JARID2: variants seen among roughly 807,000 people sequenced by gnomAD.
The protein encoded by JARID2 is jumonji and AT-rich interaction domain containing 2, also known as protein Jumonji.
In JARID2, 21 loss-of-function variants were observed where a neutral mutation model predicts 125.6. The ratio of observed to expected loss-of-function variants is 0.17; its 90% confidence interval spans 0.12 to 0.24. The LOEUF is 0.24. Ranked by LOEUF, JARID2 falls within the 10% of genes least tolerant of loss-of-function variation. JARID2 has a pLI of 1.00. For synonymous variants in JARID2, 736 were observed against 661.6 expected (o/e 1.11, Z -1.73); for missense variants, 1,303 against 1,639.6 (o/e 0.79, Z 3.55).
intron 8 of JARID2, among the ~76,000 whole-genome samples, chr6:15,503,448 A>G (rs1770838815): frequency 6.6e-6 from 1 of 152,210 alleles, no homozygotes; most frequent in Non-Finnish European, 1.5e-5. Flanking sequence ...GGCAGAAAGC[A>G]TCTGCTGCTC....
At chr6:15,246,641 T>C in intron 1 of JARID2, 57 bp downstream of exon 1, 2 of 1,395,696 alleles carry the variant, frequency 1.4e-6, no homozygotes, top group Admixed American at 1.7e-5. Context: ...TGGCTGTGAA[T>C]GTCAAGTTTA....
chr6:15,247,909 C>G, intron 1 of JARID2: 1 of 985,446 alleles, frequency 1.0e-6, no homozygotes, highest in Non-Finnish European at 1.2e-6. Flanking sequence ...GCTGTAGAAA[C>G]TGCACTGAGG....
rs1771810649 is a variant in JARID2 at position 15,520,922 on chromosome 6, A to G, written c.*671A>G. 4.6e-6 allele frequency: 2 copies of G among 436,352 alleles called. No homozygotes were observed. The highest frequency in any genetic ancestry group is 4.0e-5 in the African/African-American group (2 of 49,486). 27.0% of individuals were successfully genotyped at this position (436,352 alleles called of 1,614,324 possible). A position where few individuals can be genotyped will look rare whatever the true frequency, so the allele number is the denominator to read the frequency against. Reference sequence around the variant, plus strand: ...TGCATCTGTTCCAGGAAAGAAGAAAAGCGAGCGAGGAAGACGGAAAAGACT... The same window carrying G: ...TGCATCTGTTCCAGGAAAGAAGAAAGGCGAGCGAGGAAGACGGAAAAGACT... On this transcript the variant is annotated 3_prime_UTR_variant, in exon 18 of 18. Coordinates refer to ENST00000341776, the MANE Select transcript of JARID2 (RefSeq NM_004973.4).
At chr6:15,518,435 G>C (rs1561922441) in intron 17 of JARID2, among the ~76,000 whole-genome samples, 1 of 152,188 alleles carries the variant, frequency 6.6e-6, no homozygotes, top group Non-Finnish European at 1.5e-5. Flanking sequence ...CTCTGTAGTG[G>C]CTGAGTAGTT....
At chr6:15,473,514 GCCCCCCCCCC>G (rs3841758) in intron 5 of JARID2, among the ~76,000 whole-genome samples, 1 of 35,000 alleles carries the variant, frequency 2.9e-5, no homozygotes, top group Non-Finnish European at 7.4e-5. Flanking sequence ...TGATGTGCGT[GCCCCCCCCCC>G]CCCCCCGCTT....
chr6:15,409,819 G>T (rs186599399), intron 2 of JARID2, among the ~76,000 whole-genome samples: 3 of 152,264 alleles, frequency 2.0e-5, no homozygotes, highest in Non-Finnish European at 4.4e-5. Context: ...GTTCCTGCAG[G>T]CAATTCCAGA....
chr6:15,270,417 C>A (rs1035728787), intron 1 of JARID2, among the ~76,000 whole-genome samples: 3 of 152,188 alleles, frequency 2.0e-5, no homozygotes, highest in Admixed American at 1.3e-4. Flanking sequence ...CAGGCACGAG[C>A]CACTGCACCT....
Position 15,444,613 on chromosome 6 carries a change from A to ATTT in JARID2, c.324-7381_324-7379dup, listed in dbSNP as rs35141256. Among the ~76,000 whole-genome samples, 1,036 of 143,722 alleles carry ATTT rather than the reference A, an allele frequency of 7.2e-3. 11 individuals carry two copies. The highest frequency in any genetic ancestry group is 0.025 in the African/African-American group (983 of 39,060). 94.3% of individuals were successfully genotyped at this position (143,722 alleles called of 152,430 possible). On this transcript the variant is annotated intron_variant, in intron 3 of 17. Coordinates refer to ENST00000341776, the MANE Select transcript of JARID2 (RefSeq NM_004973.4). ...TATTTTGGGGATGGAAACACAGGAA[A>ATTT]TTTTTTTTTTTTTTGAATAGGCCTT... is the stretch of plus-strand genomic sequence containing the variant.
rs77166865 is a variant in JARID2, at chr6:15,321,861, C to T, written c.46-52256C>T. Among the ~76,000 whole-genome samples the T allele has an allele frequency of 9.4e-3, 1,190 of 126,502 alleles. 20 individuals are homozygous for T. Among genetic ancestry groups the T allele is most frequent in the African/African-American group, 0.034 (1,132 of 33,314 alleles). The allele number at this position is 126,502 out of a possible 152,430, so 83.0% of individuals were successfully genotyped here. A position where few individuals can be genotyped will look rare whatever the true frequency, so the allele number is the denominator to read the frequency against. Reference sequence around the variant, plus strand: ...AGGTTGGAGTGCAGCGGTGTGATCTCGGCTCACTGCAAACTTCGCCTTCCG... The same window carrying T: ...AGGTTGGAGTGCAGCGGTGTGATCTTGGCTCACTGCAAACTTCGCCTTCCG... On this transcript the variant is annotated intron_variant, in intron 1 of 17. Transcript: ENST00000341776.
intron 6 of JARID2, among the ~76,000 whole-genome samples, chr6:15,491,436 C>T (rs1190375203): frequency 1.3e-5 from 2 of 152,226 alleles, no homozygotes; most frequent in African/African-American, 2.4e-5. Context: ...GTGCATTTCG[C>T]TTCTGTTTAG....
chr6:15,254,560 T>A (rs1216261092), intron 1 of JARID2, among the ~76,000 whole-genome samples: 1 of 152,188 alleles, frequency 6.6e-6, no homozygotes, highest in Non-Finnish European at 1.5e-5. Flanking sequence ...AGAGGAACCC[T>A]ACTGGTAGAA....
At chr6:15,489,631 C>T (rs1182161149) in intron 6 of JARID2, among the ~76,000 whole-genome samples, 1 of 152,252 alleles carries the variant, frequency 6.6e-6, no homozygotes, top group Non-Finnish European at 1.5e-5. Flanking sequence ...GATGGCCCTG[C>T]CTGCCCCCAT....
chr6:15,473,777 A>G (rs1769208792), intron 5 of JARID2, among the ~76,000 whole-genome samples: 1 of 152,150 alleles, frequency 6.6e-6, no homozygotes, highest in African/African-American at 2.4e-5. Context: ...CTGTTGCCAC[A>G]TGGCTTGAAT....
chr6:15,248,878 G>A, intron 1 of JARID2: 1 of 984,656 alleles, frequency 1.0e-6, no homozygotes, highest in Non-Finnish European at 1.2e-6. Context: ...GGCTGCCGCA[G>A]AGCCGGGCTG....
chr6:15,403,615 A>C (rs1765527575), intron 2 of JARID2, among the ~76,000 whole-genome samples: 2 of 152,166 alleles, frequency 1.3e-5, no homozygotes, highest in African/African-American at 4.8e-5. Context: ...CATTTTCCTT[A>C]TCTACCCAGT....
intron 1 of JARID2, among the ~76,000 whole-genome samples, chr6:15,290,724 T>G (rs1314360542): frequency 1.3e-5 from 2 of 152,164 alleles, no homozygotes; most frequent in Non-Finnish European, 2.9e-5. Context: ...GTTCATGCCA[T>G]TCTCCTGCCT....
chr6:15,519,893 C>T (rs996661618), intron 17 of JARID2, among the ~76,000 whole-genome samples, 176 bp from the exon 18 acceptor site: 5 of 151,998 alleles, frequency 3.3e-5, no homozygotes, highest in Middle Eastern at 3.2e-3. Context: ...TCAGGAGGAG[C>T]TGGGAAAGGG....
chr6:15,390,588 A>G (rs1035612314), intron 2 of JARID2, among the ~76,000 whole-genome samples: 1 of 152,130 alleles, frequency 6.6e-6, no homozygotes, highest in Non-Finnish European at 1.5e-5. Context: ...TGTGCAAGGG[A>G]TTGCCTGTCC....
intron 2 of JARID2, among the ~76,000 whole-genome samples, chr6:15,394,939 C>CT (rs4052929): frequency 4.3e-4 from 63 of 146,278 alleles, no homozygotes; most frequent in East Asian, 2.8e-3. Flanking sequence ...AGAATAATTC[C>CT]TTTTTTTTTT....
Sources: gnomAD v4.1 joint callset for allele counts (sites outside exome capture counted in the v4.1 genomes callset) on GRCh38, gnomAD v4.1.1 for gene constraint, MANE v1.5 for transcripts, NCBI Gene and HGNC (gene_info 2026-07-23, HGNC 2026-07-21) for gene names.